ADGRB3: variants seen among roughly 807,000 people sequenced by gnomAD.
ADGRB3 encodes the protein adhesion G protein-coupled receptor B3.
ADGRB3 carries 37 observed loss-of-function variants against 193.4 expected under a neutral mutation model. The ratio of observed to expected loss-of-function variants is 0.19; its 90% confidence interval spans 0.15 to 0.25. ADGRB3 has a LOEUF of 0.25. ADGRB3 is among the 10% of genes least tolerant of loss of function. The pLI is 1.00. For synonymous variants in ADGRB3, 690 were observed against 644.2 expected (o/e 1.07, Z -1.08); for missense variants, 1,637 against 1,852.9 (o/e 0.88, Z 2.14).
chr6:69,053,890 T>C (rs1771469024), intron 15 of ADGRB3, among the ~76,000 whole-genome samples: 1 of 152,216 alleles, frequency 6.6e-6, no homozygotes, highest in African/African-American at 2.4e-5. Context: ...TATCCAAGTA[T>C]ACCCTCAAGC....
chr6:68,690,282 T>G (rs1206619285), intron 3 of ADGRB3, among the ~76,000 whole-genome samples: 2 of 152,042 alleles, frequency 1.3e-5, no homozygotes, highest in Admixed American at 6.6e-5. Flanking sequence ...GTGCAGGAAG[T>G]TTTTCCCTAA....
intron 17 of ADGRB3, among the ~76,000 whole-genome samples, chr6:69,226,533 G>T (rs1437501166): frequency 6.6e-6 from 1 of 152,188 alleles, no homozygotes; most frequent in Non-Finnish European, 1.5e-5. Flanking sequence ...TAATACATCA[G>T]CTGTGATAGG....
intron 3 of ADGRB3, among the ~76,000 whole-genome samples, chr6:68,644,339 T>A (rs1768153852): frequency 6.6e-6 from 1 of 152,178 alleles, no homozygotes. Flanking sequence ...CAAATATTCT[T>A]AATTATTTAT....
At chr6:69,273,026 G>A (rs1767214526) in intron 20 of ADGRB3, among the ~76,000 whole-genome samples, 1 of 152,034 alleles carries the variant, frequency 6.6e-6, no homozygotes, top group Non-Finnish European at 1.5e-5. Context: ...TCAGCCTCCC[G>A]AGTAGCTGAG....
Position 69,219,658 on chromosome 6 carries a change from G to A in ADGRB3, c.2481-13632G>A, listed in dbSNP as rs551636578. Among the ~76,000 whole-genome samples the A allele has an allele frequency of 1.1e-4, 16 of 151,420 alleles. No individual in the cohort carries two copies. In the East Asian group the frequency reaches 2.9e-3, roughly 28 times the overall value. ...AAGATTATGTAACTCACAGGTAAAT[G>A]TGCATGGTGTCCTTGGTTTTATGAC... On this transcript the variant is annotated intron_variant, in intron 17 of 31. Coordinates refer to ENST00000370598, the MANE Select transcript of ADGRB3 (RefSeq NM_001704.3).
At chr6:68,656,439 A>G (rs1768491328) in intron 3 of ADGRB3, among the ~76,000 whole-genome samples, 1 of 151,496 alleles carries the variant, frequency 6.6e-6, no homozygotes, top group Admixed American at 6.6e-5. Context: ...AACACACTGG[A>G]TTATATGGAA....
intron 20 of ADGRB3, among the ~76,000 whole-genome samples, chr6:69,281,268 A>C (rs1388363699): frequency 6.6e-6 from 1 of 152,196 alleles, no homozygotes; most frequent in Non-Finnish European, 1.5e-5. Context: ...GGGATAGACT[A>C]TCAGGCTCTT....
chr6:68,743,819 T>A (rs563386145), intron 3 of ADGRB3, among the ~76,000 whole-genome samples: 1 of 152,210 alleles, frequency 6.6e-6, no homozygotes, highest in Non-Finnish European at 1.5e-5. Flanking sequence ...ATATTGTTAA[T>A]TTTGTAATTT....
chr6:68,881,856 C>T (rs1765743447), intron 3 of ADGRB3, among the ~76,000 whole-genome samples: 1 of 152,148 alleles, frequency 6.6e-6, no homozygotes, highest in African/African-American at 2.4e-5. Flanking sequence ...CTGTTCCATA[C>T]AAGAGTCGAC....
intron 17 of ADGRB3, among the ~76,000 whole-genome samples, chr6:69,136,628 C>T (rs1258308639): frequency 1.1e-5 from 1 of 88,222 alleles, no homozygotes; most frequent in Non-Finnish European, 2.7e-5. Flanking sequence ...TGATTCTCAA[C>T]CCACCATTTT....
At chr6:69,112,160 G>A (rs994382312) in intron 17 of ADGRB3, among the ~76,000 whole-genome samples, 2 of 152,106 alleles carry the variant, frequency 1.3e-5, no homozygotes, top group Non-Finnish European at 2.9e-5. Flanking sequence ...AGGTAGCGCT[G>A]GTCCTTGTGG....
intron 5 of ADGRB3, among the ~76,000 whole-genome samples, chr6:68,937,474 G>T (rs1157373427): frequency 1.3e-5 from 2 of 152,098 alleles, no homozygotes; most frequent in Non-Finnish European, 2.9e-5. Context: ...TTATCTTTTT[G>T]TCTAACCATT....
At chr6:68,845,533 G>A (rs777655974) in intron 3 of ADGRB3, among the ~76,000 whole-genome samples, 1 of 152,140 alleles carries the variant, frequency 6.6e-6, no homozygotes, top group Non-Finnish European at 1.5e-5. Context: ...ATTCCCACGT[G>A]TTGTGGGAAG....
chr6:69,113,908 G>A (rs928992849), intron 17 of ADGRB3, among the ~76,000 whole-genome samples: 1 of 152,032 alleles, frequency 6.6e-6, no homozygotes, highest in African/African-American at 2.4e-5. Flanking sequence ...ATACAGCATG[G>A]GGGCTCTCTT....
At chr6:68,645,246 T>C (rs1768181593) in intron 3 of ADGRB3, among the ~76,000 whole-genome samples, 1 of 152,174 alleles carries the variant, frequency 6.6e-6, no homozygotes, top group African/African-American at 2.4e-5. Flanking sequence ...CTGTTCCTTA[T>C]AATGGCTACT....
chr6:69,308,471 A>G (rs1029180969), intron 20 of ADGRB3, among the ~76,000 whole-genome samples: 1 of 149,744 alleles, frequency 6.7e-6, no homozygotes, highest in African/African-American at 2.5e-5. Flanking sequence ...AAATCAATAT[A>G]ATTTATTCCA....
At chr6:69,031,108 TCTC>T (rs1340686436) in intron 13 of ADGRB3, among the ~76,000 whole-genome samples, 1 of 70,448 alleles carries the variant, frequency 1.4e-5, no homozygotes, top group African/African-American at 5.4e-5. Flanking sequence ...TCTCTTCTCT[TCTC>T]TTCTCTCTCT....
chr6:68,944,563 T>A (rs1767725783), intron 6 of ADGRB3, among the ~76,000 whole-genome samples: 1 of 152,190 alleles, frequency 6.6e-6, no homozygotes, highest in South Asian at 2.1e-4. Flanking sequence ...AAATTTTTAA[T>A]TTTAAATTTA....
intron 17 of ADGRB3, among the ~76,000 whole-genome samples, chr6:69,172,643 C>CAAAAAAAAAAAAAAAAA (rs70987454): frequency 3.0e-4 from 8 of 26,832 alleles, no homozygotes; most frequent in Non-Finnish European, 3.0e-4. Flanking sequence ...GACTCTGTCT[C>CAAAAAAAAAAAAAAAAA]AAAAAAAAAA....
Sources: gnomAD v4.1 joint callset for allele counts (sites outside exome capture counted in the v4.1 genomes callset) on GRCh38, gnomAD v4.1.1 for gene constraint, MANE v1.5 for transcripts, NCBI Gene and HGNC (gene_info 2026-07-23, HGNC 2026-07-21) for gene names.